EVC: variants seen among roughly 807,000 people sequenced by gnomAD.
EVC encodes the protein EvC ciliary complex subunit 1.
Under a neutral mutation model 118.9 loss-of-function variants are expected in EVC, and 116 were observed. The ratio of observed to expected loss-of-function variants is 0.98; its 90% CI spans 0.84 to 1.14. EVC has a LOEUF of 1.14. Among genes scored for constraint, EVC ranks in the 50% most tolerant of loss-of-function variants. The pLI, the probability that EVC is intolerant of heterozygous loss-of-function variation, is 0.00. For missense variants in EVC, 1,401 were observed against 1,246.4 expected, an observed-to-expected ratio of 1.12 and a Z score of -1.87; for synonymous variants, 619 against 534.7, an observed-to-expected ratio of 1.16 and a Z score of -2.18.
intron 2 of EVC, among the ~76,000 whole-genome samples, chr4:5,722,169 C>A (rs1725063906): frequency 6.6e-6 from 1 of 152,132 alleles, no homozygotes; most frequent in Admixed American, 6.5e-5. Flanking sequence ...TGATGGTGCT[C>A]CCCCTGCCAT....
chr4:5,752,721 T>C, intron 8 of EVC, 115 bp from the exon 9 acceptor site: 1 of 1,062,334 alleles, frequency 9.4e-7, no homozygotes, highest in Non-Finnish European at 1.5e-6. Context: ...AGCTCCGCTC[T>C]CCCAGGCAGT....
rs940751294 is a variant in EVC at position 5,777,511 on chromosome 4, C to A, written c.1564-6041C>A. On this transcript the variant is annotated intron_variant, in intron 11 of 20. Transcript: ENST00000264956. The stretch of plus-strand genomic sequence containing the variant: ...ACCAACACTCCCTAGGTAAAAGCCG[C>A]CCAAAGACTGGGCATGCCCCTCCAG... Among the ~76,000 whole-genome samples the A allele has an allele frequency of 3.9e-5, 6 of 152,276 alleles. 1 individual carries two copies. Among genetic ancestry groups the A allele is most frequent in the African/African-American group, 1.2e-4 (5 of 41,520 alleles).
rs1280021844 is a variant in EVC, at chr4:5,745,034, T to C, written c.802-170T>C. Among the ~76,000 whole-genome samples, 5 of 151,804 alleles carry C rather than the reference T, an allele frequency of 3.3e-5. No individual in the cohort carries two copies. The South Asian group carries it at 6.3e-4, about 19-fold the overall frequency. On this transcript the variant is annotated intron_variant, in intron 6 of 20. Coordinates refer to ENST00000264956, the MANE Select transcript of EVC (RefSeq NM_153717.3). ...TCCATTATTCTTGAGGCTCTATGTT[T>C]AATGAGAAAATGGGTCAAACCTCAT...
intron 7 of EVC, among the ~76,000 whole-genome samples, chr4:5,747,450 A>G (rs1729538094): frequency 6.6e-6 from 1 of 152,124 alleles, no homozygotes; most frequent in Admixed American, 6.5e-5. Flanking sequence ...CTGTTCCTAC[A>G]CCTCTAGATA....
intron 11 of EVC, among the ~76,000 whole-genome samples, chr4:5,774,388 A>T (rs904696583): frequency 6.6e-6 from 1 of 151,964 alleles, no homozygotes; most frequent in Non-Finnish European, 1.5e-5. Flanking sequence ...TTATCTAATG[A>T]TACTAGCTAG....
At chr4:5,728,015 C>T (rs1220157350) in intron 2 of EVC, among the ~76,000 whole-genome samples, 2 of 151,210 alleles carry the variant, frequency 1.3e-5, no homozygotes, top group Admixed American at 6.6e-5. Flanking sequence ...GTGATGCCTC[C>T]AGCTTTGTTC....
intron 19 of EVC, 24 bp downstream of exon 19, chr4:5,809,635 C>T: frequency 1.3e-6 from 2 of 1,598,608 alleles, no homozygotes; most frequent in South Asian, 2.2e-5. Context: ...GCTTGAGTTG[C>T]AGCGGGAAGC....
At chr4:5,800,403 G>C (rs1004142641) in intron 15 of EVC, among the ~76,000 whole-genome samples, 1 of 152,158 alleles carries the variant, frequency 6.6e-6, no homozygotes, top group Non-Finnish European at 1.5e-5. Flanking sequence ...TAGAAGAATG[G>C]TCATTTATTC....
intron 5 of EVC, 100 bp downstream of exon 5, chr4:5,733,535 C>A: frequency 9.5e-7 from 1 of 1,049,734 alleles, no homozygotes. Context: ...GAGAGGCAGA[C>A]ATCAGTGGAA....
chr4:5,782,389 A>ATTTTTT (rs71171482), intron 11 of EVC, among the ~76,000 whole-genome samples: 5 of 78,566 alleles, frequency 6.4e-5, no homozygotes, highest in African/African-American at 1.0e-4. Flanking sequence ...GTAAGGTTCC[A>ATTTTTT]TTTTTTTTTT....
rs568866444 is a variant in EVC, at chr4:5,754,521, C to G, written c.1464+588C>G. Among the ~76,000 whole-genome samples, 1 of 152,298 alleles carries G rather than the reference C, an allele frequency of 6.6e-6. No homozygotes were observed. The highest frequency in any genetic ancestry group is 2.1e-4 in the South Asian group (1 of 4,826). ...GAGTCAGCTGGCCCCAGTGCAGGCT[C>G]TAAGGACCTGGACTCGCCAGTTCTC... On this transcript the variant is annotated intron_variant, in intron 10 of 20. Coordinates refer to ENST00000264956, the MANE Select transcript of EVC (RefSeq NM_153717.3). The surrounding 1 kb of genome is among the most constrained non-coding windows in gnomAD (Gnocchi z 5.8).
chr4:5,822,668 A>C, the EVC span, among the ~76,000 whole-genome samples: 1 of 152,214 alleles, frequency 6.6e-6, no homozygotes, highest in East Asian at 1.9e-4. Context: ...ATAATGCTGA[A>C]AGGTGGGAAG....
In EVC at chr4:5,748,295, C is replaced by G. The variant is rs1233221140; in HGVS notation, c.1087C>G (p.Leu363Val). ...AGGGCTATTGTGCGATTCTCAGGAG[C>G]TGCAGGCTCTGGTAATGCTGGAGGG... Reference protein sequence around the residue: ...AEGLLCDSQELQALDALERTM... With the variant: ...AEGLLCDSQEVQALDALERTM... Residue 363 changes from leucine to valine, a missense_variant, in exon 8 of 21, where the codon CTG becomes GTG. Coordinates refer to ENST00000264956, the MANE Select transcript of EVC (RefSeq NM_153717.3). 3 of 1,613,996 alleles carry G rather than the reference C, an allele frequency of 1.9e-6. No individual in the cohort carries two copies. The highest frequency in any genetic ancestry group is 2.7e-5 in the African/African-American group (2 of 74,892).
At chr4:5,732,008 A>T (rs943196233) in intron 4 of EVC, among the ~76,000 whole-genome samples, 2 of 141,290 alleles carry the variant, frequency 1.4e-5, no homozygotes, top group Non-Finnish European at 3.3e-5. Flanking sequence ...TCTCATGAGG[A>T]TTTTGCCCAG....
intron 11 of EVC, among the ~76,000 whole-genome samples, chr4:5,767,606 G>A (rs559253410): frequency 0.029 from 4,453 of 151,310 alleles, 93 homozygotes; most frequent in Middle Eastern, 0.066. Context: ...CTCCTGGTGA[G>A]CCGTTTTTTA....
In EVC at chr4:5,741,763, AAAG is replaced by A. The variant is rs1232712590; in HGVS notation, c.754_756del (p.Lys252del). ...TGTGCCTCCTTGACCTTCTTCCTAA[AAAG>A]AAGTCAGATGATGAACTATACCAGA... is the stretch of plus-strand genomic sequence containing the variant. On this transcript the variant is annotated inframe_deletion, in exon 6 of 21. Transcript: ENST00000264956. 7 of 1,574,092 alleles carry A rather than the reference AAAG, an allele frequency of 4.4e-6. No individual in the cohort carries two copies. Among genetic ancestry groups the A allele is most frequent in the Admixed American group, 1.7e-5 (1 of 59,808 alleles).
At chr4:5,801,926 C>A in intron 15 of EVC, 24 bp from the exon 16 acceptor site, 1 of 1,611,426 alleles carries the variant, frequency 6.2e-7, no homozygotes, top group South Asian at 1.1e-5. Flanking sequence ...CTCTGCTGTC[C>A]CTGTCCTTCC....
chr4:5,770,838 C>T (rs1733833526), intron 11 of EVC, among the ~76,000 whole-genome samples: 1 of 151,912 alleles, frequency 6.6e-6, no homozygotes, highest in Non-Finnish European at 1.5e-5. Flanking sequence ...ATGGCAAAAC[C>T]CCATCTCTAC....
At chr4:5,794,373 A>G (rs950403837) in intron 13 of EVC, among the ~76,000 whole-genome samples, 5 of 138,166 alleles carry the variant, frequency 3.6e-5, no homozygotes, top group African/African-American at 1.3e-4. Context: ...TTATATTTAT[A>G]TACATATATA....
Sources: allele counts gnomAD v4.1 joint callset (sites outside exome capture counted in the v4.1 genomes callset), GRCh38; gene constraint gnomAD v4.1.1; non-coding constraint Gnocchi (gnomAD v3.1); transcripts MANE v1.5; gene names NCBI Gene and HGNC (gene_info 2026-07-23, HGNC 2026-07-21).